The following CNNM2 variants were observed in gnomAD, a reference collection of about 807,000 sequenced individuals.
CNNM2 encodes metal transporter CNNM2.
Under a neutral mutation model 66.9 loss-of-function variants are expected in CNNM2, and 12 were observed. That is an observed-to-expected ratio of 0.18 (90% CI 0.11 to 0.29). CNNM2 has a LOEUF of 0.29. Ranked by LOEUF, CNNM2 falls within the 10% of genes least tolerant of loss-of-function variation. The pLI is 1.00. For missense variants in CNNM2, 705 were observed against 1,167.7 expected (o/e 0.60, Z 5.77); for synonymous variants, 557 against 501.8 (o/e 1.11, Z -1.47).
rs183527686 is a variant in CNNM2, at chr10:103,006,452, C to T, written c.1622-43255C>T. Among the ~76,000 whole-genome samples, 388 of 152,078 alleles carry T rather than the reference C, an allele frequency of 2.6e-3. 4 individuals carry two copies. Among genetic ancestry groups the T allele is most frequent in the African/African-American group, 8.7e-3 (359 of 41,482 alleles). ...GAATCCGGACCTCAAGTGATCCACC[C>T]GCCTCAGCCTCCCAAAGTGCTGGGA... is the stretch of plus-strand genomic sequence containing the variant. On this transcript the variant is annotated intron_variant, in intron 1 of 7. Coordinates refer to ENST00000369878, the MANE Select transcript of CNNM2 (RefSeq NM_017649.5).
chr10:102,997,001 A>G (rs759874103), intron 1 of CNNM2, among the ~76,000 whole-genome samples: 2 of 152,098 alleles, frequency 1.3e-5, no homozygotes, highest in Non-Finnish European at 2.9e-5. Context: ...GTGACTTCCC[A>G]TTACTGCTTT....
At chr10:103,063,656 T>G (rs2065427274) in intron 4 of CNNM2, among the ~76,000 whole-genome samples, 1 of 152,202 alleles carries the variant, frequency 6.6e-6, no homozygotes, top group South Asian at 2.1e-4. Flanking sequence ...GAGAGATGCT[T>G]TACTCAGGAA....
rs907693785 is a variant in CNNM2 at position 103,080,098 on chromosome 10, G to A, written c.*2918G>A. 2.0e-5 allele frequency: 3 copies of A among 152,204 alleles called. No individual in the cohort carries two copies. The highest frequency in any genetic ancestry group is 6.5e-5 in the Admixed American group (1 of 15,270). The allele number at this position is 152,204 out of a possible 1,614,324, so 9.4% of individuals were successfully genotyped here. On this transcript the variant is annotated 3_prime_UTR_variant, in exon 8 of 8. Coordinates refer to ENST00000369878, the MANE Select transcript of CNNM2 (RefSeq NM_017649.5). ...CACCTCCGCTGGACTGCCCTCCCGCGGCGGTGACCTTTTCAAGTGTGGAAG... is the reference window on the plus strand; with the variant it reads ...CACCTCCGCTGGACTGCCCTCCCGCAGCGGTGACCTTTTCAAGTGTGGAAG...
At chr10:102,988,394 T>C (rs2063836208) in intron 1 of CNNM2, among the ~76,000 whole-genome samples, 2 of 152,168 alleles carry the variant, frequency 1.3e-5, no homozygotes, top group South Asian at 4.1e-4. Flanking sequence ...CGTTTTAGAC[T>C]GAAACCTGTG....
At position 103,056,940 on chromosome 10, in the gene CNNM2, A is replaced by G. The variant is rs2065305148; in HGVS notation, c.2049A>G (p.Val683=). 1 of 1,612,556 alleles carries G rather than the reference A, an allele frequency of 6.2e-7. No homozygotes were observed. The highest frequency in any genetic ancestry group is 1.1e-5 in the South Asian group (1 of 90,726). The change falls in exon 4 of 8, where the codon GTA becomes GTG. Residue 683 remains valine (V), a synonymous_variant. Coordinates refer to ENST00000369878, the MANE Select transcript of CNNM2 (RefSeq NM_017649.5). ...ACCTCTACCAGCGCAACAAGCCAGT[A>G]GACTACTTCGTTCTCATTCTGCAGG... ...EYYLYQRNKP[V]DYFVLILQGK...
At chr10:103,056,179 T>G (rs1475572947) in intron 3 of CNNM2, among the ~76,000 whole-genome samples, 1 of 152,308 alleles carries the variant, frequency 6.6e-6, no homozygotes, top group African/African-American at 2.4e-5. Flanking sequence ...AGTTGTAGGA[T>G]AGCACCCTTC....
chr10:103,077,209 G>T lies in CNNM2; in HGVS notation c.*29G>T, dbSNP rs775194107. ...GCGCTGGCTGCACCCGCCCAGGCCC[G>T]CACCCGCCCAGTCCCGAGGGCCCGG... On this transcript the variant is annotated 3_prime_UTR_variant, in exon 8 of 8. Transcript: ENST00000369878. The T allele has an allele frequency of 1.1e-5, 17 of 1,600,570 alleles. No homozygotes were observed. The South Asian group carries it at 1.9e-4, about 18-fold the overall frequency.
rs903464040 is a variant in CNNM2 at position 103,089,934 on chromosome 10, A to G, written c.*12754A>G. 1.9e-6 allele frequency: 3 copies of G among 1,558,178 alleles called. No individual in the cohort carries two copies. In the Admixed American group the frequency reaches 5.8e-5, roughly 30 times the overall value. Reference sequence around the variant, plus strand: ...CTAGACAGAAAAAAGCTAGAGGCTCAGAAAGCAGGCAGAGCAAAGTAGCTA... The same window carrying G: ...CTAGACAGAAAAAAGCTAGAGGCTCGGAAAGCAGGCAGAGCAAAGTAGCTA... On this transcript the variant is annotated 3_prime_UTR_variant, in exon 8 of 8. Transcript: ENST00000369878.
At chr10:103,026,625 AG>A (rs1554900720) in intron 1 of CNNM2, among the ~76,000 whole-genome samples, 4 of 144,544 alleles carry the variant, frequency 2.8e-5, no homozygotes, top group African/African-American at 7.7e-5. Context: ...AAAAAAAAAA[AG>A]GTTTGGAAAC....
intron 1 of CNNM2, among the ~76,000 whole-genome samples, chr10:102,947,060 AT>A (rs916225500): frequency 6.6e-6 from 1 of 151,840 alleles, no homozygotes; most frequent in East Asian, 1.9e-4. Context: ...TGAAGAACTG[AT>A]TTTTTTTCTC....
At position 103,077,273 on chromosome 10, in the gene CNNM2, G is replaced by A. The variant is rs749525555; in HGVS notation, c.*93G>A. 47 of 1,162,456 alleles carry A rather than the reference G, an allele frequency of 4.0e-5. No homozygotes were observed. The highest frequency in any genetic ancestry group is 5.6e-5 in the Admixed American group (3 of 53,330). The allele number at this position is 1,162,456 out of a possible 1,614,324, so 72.0% of individuals were successfully genotyped here. A position where few individuals can be genotyped will look rare whatever the true frequency, so the allele number is the denominator to read the frequency against. Reference sequence around the variant, plus strand: ...TGACTTCACTGGTGTGAGCTTGTCCGCCATGCTGTACCCTGCAACATCCTG... The same window carrying A: ...TGACTTCACTGGTGTGAGCTTGTCCACCATGCTGTACCCTGCAACATCCTG... On this transcript the variant is annotated 3_prime_UTR_variant, in exon 8 of 8. Transcript: ENST00000369878.
intron 1 of CNNM2, among the ~76,000 whole-genome samples, chr10:103,033,892 G>T (rs2064878597): frequency 6.6e-6 from 1 of 152,188 alleles, no homozygotes; most frequent in South Asian, 2.1e-4. Flanking sequence ...AAAGTTGTTT[G>T]CATCTTTTTT....
intron 1 of CNNM2, among the ~76,000 whole-genome samples, chr10:103,033,409 C>G (rs2064868410): frequency 6.6e-6 from 1 of 152,148 alleles, no homozygotes; most frequent in Admixed American, 6.5e-5. Flanking sequence ...CCAGGACAGT[C>G]TCAATCTCCA....
intron 1 of CNNM2, among the ~76,000 whole-genome samples, chr10:103,039,682 C>T (rs955588633): frequency 3.3e-5 from 5 of 152,156 alleles, no homozygotes; most frequent in Middle Eastern, 3.4e-3. Context: ...AGGTACGGTG[C>T]GGCTGTGGCA....
intron 1 of CNNM2, among the ~76,000 whole-genome samples, chr10:102,935,721 C>G (rs1387195643): frequency 6.7e-6 from 1 of 150,214 alleles, no homozygotes; most frequent in African/African-American, 2.5e-5. Context: ...AGTGATCCTC[C>G]CGCCTCAGCC....
intron 1 of CNNM2, among the ~76,000 whole-genome samples, chr10:102,937,508 A>C (rs1399571115): frequency 6.6e-6 from 1 of 152,234 alleles, no homozygotes; most frequent in Non-Finnish European, 1.5e-5. Context: ...TGTCTAAATA[A>C]ATAATCACTG....
At chr10:102,951,937 G>A (rs1564818287) in intron 1 of CNNM2, among the ~76,000 whole-genome samples, 1 of 152,010 alleles carries the variant, frequency 6.6e-6, no homozygotes, top group Non-Finnish European at 1.5e-5. Context: ...CCGAGGAGCT[G>A]GGATCACAGG....
At chr10:102,932,291 C>A (rs577869362) in intron 1 of CNNM2, among the ~76,000 whole-genome samples, 3 of 151,978 alleles carry the variant, frequency 2.0e-5, no homozygotes, top group African/African-American at 4.8e-5. Context: ...CTCAACCGAT[C>A]CTCCAGCCTT....
chr10:103,077,071 C>T lies in CNNM2; in HGVS notation c.2519C>T (p.Thr840Met), dbSNP rs374242727. Reference sequence around the variant, plus strand: ...AACACTAAAATCGAATTGACTCTTACGGAGCTGCATGACGGGTTGCCAGAC... The same window carrying T: ...AACACTAAAATCGAATTGACTCTTATGGAGCTGCATGACGGGTTGCCAGAC... ...SENTKIELTL[T>M]ELHDGLPDET... The change falls in exon 8 of 8, where the codon ACG becomes ATG. Residue 840 changes from threonine to methionine, a missense_variant. Around this residue, in one of 9 missense-constraint regions of CNNM2, gnomAD observed 194 missense variants for 227.6 expected, o/e 0.85. Transcript: ENST00000369878. 53 of 1,613,824 alleles carry T rather than the reference C, an allele frequency of 3.3e-5. No individual in the cohort carries two copies. The highest frequency in any genetic ancestry group is 1.3e-4 in the East Asian group (6 of 44,898).
Sources: gnomAD v4.1 joint callset for allele counts (sites outside exome capture counted in the v4.1 genomes callset) on GRCh38, gnomAD v4.1.1 for gene constraint, gnomAD v4.1.1 regional missense constraint, MANE v1.5 for transcripts, NCBI Gene and HGNC (gene_info 2026-07-23, HGNC 2026-07-21) for gene names.